Variants in IL1RAPL2 observed in about 807,000 individuals in gnomAD.
IL1RAPL2 encodes the protein X-linked interleukin-1 receptor accessory protein-like 2.
Under a neutral mutation model 44.1 loss-of-function variants are expected in IL1RAPL2, and 3 were observed. That is an observed-to-expected ratio of 0.07 (90% CI 0.03 to 0.18). The LOEUF is 0.18. IL1RAPL2 is among the 10% of genes least tolerant of loss of function. IL1RAPL2 has a pLI of 1.00. For missense variants in IL1RAPL2, 391 were observed against 496.4 expected (o/e 0.79, Z 2.02); for synonymous variants, 181 against 178.8 (o/e 1.01, Z -0.10).
intron 2 of IL1RAPL2, among the ~76,000 whole-genome samples, chrX:104,745,114 A>C (rs1932153551): frequency 9.0e-6 from 1 of 111,390 alleles, no homozygotes; most frequent in South Asian, 3.8e-4. Flanking sequence ...GGATAGTGTG[A>C]TTGTTAAGCC....
chrX:105,159,582 A>C (rs896035848), intron 2 of IL1RAPL2, among the ~76,000 whole-genome samples: 2 of 112,735 alleles, frequency 1.8e-5, no homozygotes, highest in South Asian at 7.4e-4. Flanking sequence ...ATGGGATAAG[A>C]GGTCCTGAAT....
At chrX:104,906,301 TCTC>T (rs1924001988) in intron 2 of IL1RAPL2, among the ~76,000 whole-genome samples, 1 of 110,449 alleles carries the variant, frequency 9.1e-6, no homozygotes, top group Non-Finnish European at 1.9e-5. Context: ...TTTATTTCCT[TCTC>T]CTGCCTAATT....
chrX:104,664,346 G>A (rs1602668802), intron 2 of IL1RAPL2, among the ~76,000 whole-genome samples: 1 of 110,834 alleles, frequency 9.0e-6, no homozygotes, highest in African/African-American at 3.3e-5. Context: ...TTTACTGGGA[G>A]TTCCAGCCAT....
chrX:104,722,541 T>C (rs1931701534), intron 2 of IL1RAPL2, among the ~76,000 whole-genome samples: 1 of 111,565 alleles, frequency 9.0e-6, no homozygotes, highest in Non-Finnish European at 1.9e-5. Context: ...AAGTCAGCTT[T>C]ATTTTGTGTT....
intron 2 of IL1RAPL2, among the ~76,000 whole-genome samples, chrX:104,842,935 C>T (rs1921949729): frequency 8.9e-6 from 1 of 112,748 alleles, no homozygotes; most frequent in Admixed American, 9.3e-5. Flanking sequence ...GGTAGAATCT[C>T]CTTGTCAGGA....
intron 5 of IL1RAPL2, among the ~76,000 whole-genome samples, chrX:105,343,807 C>T (rs1328368803): frequency 4.5e-5 from 5 of 111,833 alleles, no homozygotes; most frequent in African/African-American, 1.6e-4. Context: ...ATTTCTGCTG[C>T]TGGGTCTACA....
At chrX:105,757,592 T>A (rs2038650062) in intron 10 of IL1RAPL2, among the ~76,000 whole-genome samples, 1 of 111,785 alleles carries the variant, frequency 8.9e-6, no homozygotes, top group Admixed American at 9.5e-5. Context: ...ATTCTTTTAA[T>A]GCTTTAAAAT....
At chrX:105,083,957 C>G (rs892585387) in intron 2 of IL1RAPL2, among the ~76,000 whole-genome samples, 1 of 112,276 alleles carries the variant, frequency 8.9e-6, no homozygotes, top group African/African-American at 3.2e-5. Flanking sequence ...CGAATTAACA[C>G]ATAACAATTG....
At chrX:104,608,000 C>T (rs1363641098) in intron 1 of IL1RAPL2, among the ~76,000 whole-genome samples, 1 of 111,755 alleles carries the variant, frequency 8.9e-6, no homozygotes, top group Non-Finnish European at 1.9e-5. Flanking sequence ...CAATGATAGA[C>T]TGGATAAAGA....
intron 2 of IL1RAPL2, among the ~76,000 whole-genome samples, chrX:104,919,862 C>G (rs1362165960): frequency 9.1e-6 from 1 of 110,467 alleles, no homozygotes; most frequent in Non-Finnish European, 1.9e-5. Flanking sequence ...TCTGCCCAAG[C>G]CAATTTTGTA....
At chrX:104,615,293 A>G (rs1441137592) in intron 1 of IL1RAPL2, among the ~76,000 whole-genome samples, 2 of 111,349 alleles carry the variant, frequency 1.8e-5, no homozygotes, top group East Asian at 5.6e-4. Context: ...AACATGTGCC[A>G]TGGTGTTTTG....
At chrX:105,368,416 C>A (rs1460189197) in intron 5 of IL1RAPL2, among the ~76,000 whole-genome samples, 1 of 111,570 alleles carries the variant, frequency 9.0e-6, no homozygotes, top group Non-Finnish European at 1.9e-5. Context: ...TACCCAGTCT[C>A]AGGTTATAGC....
At chrX:105,308,621 G>T (rs1359792848) in intron 5 of IL1RAPL2, among the ~76,000 whole-genome samples, 2 of 112,082 alleles carry the variant, frequency 1.8e-5, no homozygotes, top group Non-Finnish European at 1.9e-5. Context: ...TTTTGTTTGT[G>T]TGTCTGTGAG....
chrX:105,625,760 C>T (rs1329215727), intron 6 of IL1RAPL2, among the ~76,000 whole-genome samples: 3 of 109,865 alleles, frequency 2.7e-5, no homozygotes, highest in Non-Finnish European at 5.7e-5. Flanking sequence ...ACAGAGCTGC[C>T]TCTGAATATG....
intron 2 of IL1RAPL2, among the ~76,000 whole-genome samples, chrX:104,894,907 C>A (rs1318929191): frequency 3.6e-5 from 4 of 111,968 alleles, no homozygotes; most frequent in Non-Finnish European, 7.5e-5. Context: ...TTTTCCCCAT[C>A]TTTGTGGTTT....
At chrX:105,243,012 T>A (rs1399884173) in intron 4 of IL1RAPL2, among the ~76,000 whole-genome samples, 1 of 110,460 alleles carries the variant, frequency 9.1e-6, no homozygotes, top group Non-Finnish European at 1.9e-5. Context: ...GGCAGGAGGA[T>A]CACTTGAACC....
chrX:104,688,690 A>C (rs1050376475), intron 2 of IL1RAPL2, among the ~76,000 whole-genome samples: 3 of 112,019 alleles, frequency 2.7e-5, no homozygotes, highest in African/African-American at 6.5e-5. Context: ...AACCCAAGTC[A>C]CTTTTGGAGG....
rs138673900 is a variant in IL1RAPL2 at position 105,047,315 on chromosome X, A to G, written c.83-148160A>G. On this transcript the variant is annotated intron_variant, in intron 2 of 10. Transcript: ENST00000372582. ...AGGCTTTTTCTTTCAGATTAATTCA[A>G]ACTATTAATTTTGAACCTCTATGTA... 1.7e-4 allele frequency among the ~76,000 whole-genome samples: 19 copies of G among 111,957 alleles called. No individual in the cohort carries two copies. The East Asian group carries it at 4.8e-3, about 28-fold the overall frequency.
intron 2 of IL1RAPL2, among the ~76,000 whole-genome samples, chrX:105,179,511 T>A (rs899770033): frequency 2.7e-5 from 3 of 112,167 alleles, no homozygotes; most frequent in Non-Finnish European, 5.6e-5. Context: ...GGGTTGTTAT[T>A]TCTAATTCTG....
Sources: allele counts gnomAD v4.1 joint callset (sites outside exome capture counted in the v4.1 genomes callset), GRCh38; gene constraint gnomAD v4.1.1; transcripts MANE v1.5; gene names NCBI Gene and HGNC (gene_info 2026-07-23, HGNC 2026-07-21).